NTPCR: variants seen among roughly 807,000 people sequenced by gnomAD.
NTPCR encodes the protein cancer-related nucleoside-triphosphatase.
A neutral mutation model predicts 19.5 loss-of-function variants in NTPCR; 15 were observed. The observed-to-expected ratio is 0.77, with a 90% CI of 0.51 to 1.18. NTPCR has a LOEUF of 1.18. Ranked by LOEUF, NTPCR falls within the 50% of genes most tolerant of loss-of-function variation. The probability of loss-of-function intolerance (pLI) is 0.00; values close to 1 mark genes in which losing one functional copy is unlikely to be tolerated. For missense variants in NTPCR, 206 were observed against 240.4 expected (o/e 0.86, Z 0.95); for synonymous variants, 90 against 95.8 (o/e 0.94, Z 0.36).
Position 232,956,369 on chromosome 1 carries a change from C to T in NTPCR, c.220C>T (p.Arg74Cys), listed in dbSNP as rs1668512325. The change falls in exon 3 of 5, where the codon CGT (arginine) becomes TGT (cysteine). Residue 74 changes from arginine to cysteine, a missense_variant. Coordinates refer to ENST00000366628, the MANE Select transcript of NTPCR (RefSeq NM_032324.3). ...RVGLEPPPGK[R>C]ECRVGQYVVD... ...CAGGTTAGAGCCTCCACCTGGAAAA[C>T]GTGAATGCCGAGTTGGGCAGTATGT... 3 of 1,613,734 alleles carry T rather than the reference C, an allele frequency of 1.9e-6. No individual in the cohort carries two copies. The highest frequency in any genetic ancestry group is 1.3e-5 in the African/African-American group (1 of 75,034).
At chr1:232,962,575 A>G (rs1459194423) in intron 3 of NTPCR, 2 of 152,220 alleles carry the variant, frequency 1.3e-5, no homozygotes, top group African/African-American at 4.8e-5. Flanking sequence ...TTGATTTTCA[A>G]CATATCTCCT....
At chr1:232,968,030 T>A (rs1318606264) in intron 3 of NTPCR, 2 of 152,236 alleles carry the variant, frequency 1.3e-5, no homozygotes, top group East Asian at 3.8e-4. Context: ...ACTTCATAGA[T>A]GCTCTGCCCT....
At chr1:232,950,834 C>T (rs1668344320) in intron 1 of NTPCR, 90 bp downstream of exon 1, 6 of 828,740 alleles carry the variant, frequency 7.2e-6, no homozygotes, top group South Asian at 1.8e-5. Flanking sequence ...GGAGGGTCTC[C>T]GGCTCCAGGG....
chr1:232,970,666 A>T (rs1668950177), intron 4 of NTPCR, among the ~76,000 whole-genome samples: 1 of 152,238 alleles, frequency 6.6e-6, no homozygotes, highest in Non-Finnish European at 1.5e-5. Flanking sequence ...GACTAGCCAC[A>T]TCTCGCTATT....
intron 3 of NTPCR, chr1:232,969,017 C>T (rs1668900513): frequency 6.6e-6 from 1 of 152,218 alleles, no homozygotes; most frequent in Non-Finnish European, 1.5e-5. Flanking sequence ...ACAACAAACA[C>T]ATTATTGTAC....
At position 232,956,419 on chromosome 1, in the gene NTPCR, G is replaced by T. The variant is rs1267876472; in HGVS notation, c.270G>T (p.Gln90His). ...TGGTCGACCTGACTTCTTTTGAGCA[G>T]TTGGCACTACCCGTCTTGAGGAATG... is the stretch of plus-strand genomic sequence containing the variant. ...QYVVDLTSFE[Q>H]LALPVLRNAD... The change falls in exon 3 of 5, where the codon CAG becomes CAT. Residue 90 changes from glutamine (Q) to histidine (H), a missense_variant. By Grantham distance (24) the Gln-to-His change is conservative. Coordinates refer to ENST00000366628, the MANE Select transcript of NTPCR (RefSeq NM_032324.3). 1.2e-6 allele frequency: 2 copies of T among 1,613,160 alleles called. No individual in the cohort carries two copies. The highest frequency in any genetic ancestry group is 4.5e-5 in the East Asian group (2 of 44,896).
Position 232,951,941 on chromosome 1 carries a change from AT to A in NTPCR, c.34+1199del, listed in dbSNP as rs111898542. Among the ~76,000 whole-genome samples the A allele has an allele frequency of 4.0e-3, 604 of 152,290 alleles. 5 individuals carry two copies. Among genetic ancestry groups the A allele is most frequent in the African/African-American group, 0.014 (576 of 41,562 alleles). ...TGACCCCAAGACAACTGTGTGTTTT[AT>A]TAATGGAGGTGTCCTGTTACCGTGA... On this transcript the variant is annotated intron_variant, in intron 1 of 4. Transcript: ENST00000366628.
intron 4 of NTPCR, among the ~76,000 whole-genome samples, chr1:232,974,430 A>G (rs796236691): frequency 7.9e-5 from 12 of 152,248 alleles, no homozygotes; most frequent in African/African-American, 2.9e-4. Flanking sequence ...GAAGAGTAAA[A>G]CTCTGAGTGA....
chr1:232,956,345 A>G lies in NTPCR; in HGVS notation c.198-2A>G, dbSNP rs768322054. On this transcript the variant is annotated splice_acceptor_variant, in intron 2 of 4. Transcript: ENST00000366628. LOFTEE classifies it high-confidence loss of function. Reference sequence around the variant, plus strand: ...CAAAGAACATAATGTCTTTTCCTTCAGGTTAGAGCCTCCACCTGGAAAACG... The same window carrying G: ...CAAAGAACATAATGTCTTTTCCTTCGGGTTAGAGCCTCCACCTGGAAAACG... 1.4e-5 allele frequency: 22 copies of G among 1,610,758 alleles called. 1 individual carries two copies. The highest frequency in any genetic ancestry group is 3.3e-4 in the Middle Eastern group (2 of 6,052).
intron 1 of NTPCR, among the ~76,000 whole-genome samples, chr1:232,954,359 A>G (rs1668454923): frequency 6.6e-6 from 1 of 152,258 alleles, no homozygotes; most frequent in Non-Finnish European, 1.5e-5. Flanking sequence ...ATAATGGATC[A>G]TATTTTATGT....
At chr1:232,969,792 C>A in intron 3 of NTPCR, 117 bp from the exon 4 acceptor site, 1 of 812,454 alleles carries the variant, frequency 1.2e-6, no homozygotes, top group South Asian at 1.6e-5. Context: ...TTTTTGAAAT[C>A]CAGTAAAAAG....
chr1:232,972,068 G>T (rs778781710), intron 4 of NTPCR, among the ~76,000 whole-genome samples: 3 of 152,204 alleles, frequency 2.0e-5, no homozygotes, highest in Non-Finnish European at 4.4e-5. Context: ...GAAAGGAGCT[G>T]ACTGTGATGC....
At chr1:232,969,278 G>A (rs1668906845) in intron 3 of NTPCR, 1 of 153,218 alleles carries the variant, frequency 6.5e-6, no homozygotes, top group Non-Finnish European at 1.5e-5. Flanking sequence ...CCCCCAGAGT[G>A]AGTGATTCGA....
At position 232,969,894 on chromosome 1, in the gene NTPCR, CTT is replaced by C; in HGVS notation, c.295-13_295-12del. ...GTGACTCTGATGTCCCAGTGAAAGTCTTTGTCATTCTCAGGCCGACTGCAGCA... is the reference window on the plus strand; with the variant it reads ...GTGACTCTGATGTCCCAGTGAAAGTCTGTCATTCTCAGGCCGACTGCAGCA... On this transcript the variant is annotated splice_polypyrimidine_tract_variant and intron_variant, in intron 3 of 4. Coordinates refer to ENST00000366628, the MANE Select transcript of NTPCR (RefSeq NM_032324.3). 1 of 1,611,360 alleles carries C rather than the reference CTT, an allele frequency of 6.2e-7. No homozygotes were observed. The highest frequency in any genetic ancestry group is 8.5e-7 in the Non-Finnish European group (1 of 1,177,670).
intron 1 of NTPCR, among the ~76,000 whole-genome samples, chr1:232,953,729 C>T (rs1423054760): frequency 3.3e-5 from 5 of 151,666 alleles, no homozygotes; most frequent in East Asian, 3.9e-4. Flanking sequence ...TCTGTAGACA[C>T]GTACTTGACC....
chr1:232,959,409 C>T (rs180798849), intron 3 of NTPCR, among the ~76,000 whole-genome samples: 161 of 152,230 alleles, frequency 1.1e-3, no homozygotes, highest in African/African-American at 3.7e-3. Flanking sequence ...ATTATCCAGT[C>T]TCAGGTAGTT....
intron 3 of NTPCR, among the ~76,000 whole-genome samples, chr1:232,957,586 T>G (rs1287164641): frequency 6.6e-6 from 1 of 152,256 alleles, no homozygotes; most frequent in East Asian, 1.9e-4. Context: ...TTGGTCAGTC[T>G]AAAAGTTTGT....
At chr1:232,965,894 C>T (rs1049640543) in intron 3 of NTPCR, 2 of 152,288 alleles carry the variant, frequency 1.3e-5, no homozygotes, top group Non-Finnish European at 2.9e-5. Context: ...CAGAGCTAGT[C>T]TGTCTGTGTG....
At chr1:232,969,866 A>T in intron 3 of NTPCR, 43 bp from the exon 4 acceptor site, 1 of 1,529,182 alleles carries the variant, frequency 6.5e-7, no homozygotes, top group Non-Finnish European at 9.1e-7. Context: ...CCCTTTGATT[A>T]ATGTGACTCT....
Sources: allele counts gnomAD v4.1 joint callset (sites outside exome capture counted in the v4.1 genomes callset), GRCh38; gene constraint gnomAD v4.1.1; transcripts MANE v1.5; gene names NCBI Gene and HGNC (gene_info 2026-07-23, HGNC 2026-07-21).